The following TENM2 variants were observed in gnomAD, a reference collection of about 807,000 sequenced individuals.
TENM2 encodes teneurin transmembrane protein 2, also known as teneurin-2.
Under a neutral mutation model 245.2 loss-of-function variants are expected in TENM2, and 52 were observed. That is an observed-to-expected ratio of 0.21 (90% CI 0.17 to 0.27). TENM2 has a LOEUF of 0.27. Ranked by LOEUF, TENM2 falls within the 10% of genes least tolerant of loss-of-function variation. The probability of loss-of-function intolerance (pLI) is 1.00; values close to 1 mark genes in which losing one functional copy is unlikely to be tolerated. For synonymous variants in TENM2, 1,363 were observed against 1,438.9 expected (o/e 0.95, Z 1.19); for missense variants, 3,046 against 3,666.8 (o/e 0.83, Z 4.37).
At chr5:167,076,127 C>CA in the TENM2 span, among the ~76,000 whole-genome samples, 14 of 152,014 alleles carry the variant, frequency 9.2e-5, no homozygotes, top group African/African-American at 2.2e-4. Context: ...ACATAACATA[C>CA]AAAAAAATCA....
At chr5:167,908,011 C>T (rs1219821657) in intron 3 of TENM2, among the ~76,000 whole-genome samples, 1 of 151,982 alleles carries the variant, frequency 6.6e-6, no homozygotes, top group Non-Finnish European at 1.5e-5. Flanking sequence ...GCCCATATGC[C>T]TCAGTTTCCT....
chr5:167,829,824 C>T (rs1768307872), intron 2 of TENM2, among the ~76,000 whole-genome samples: 1 of 152,126 alleles, frequency 6.6e-6, no homozygotes, highest in Non-Finnish European at 1.5e-5. Context: ...AGCAGACTTT[C>T]ATTAGCTGGC....
chr5:167,471,090 C>A (rs556146736), intron 2 of TENM2, among the ~76,000 whole-genome samples: 8 of 152,356 alleles, frequency 5.3e-5, no homozygotes, highest in African/African-American at 1.9e-4. Context: ...ATCTGCAAGA[C>A]TGCGGCTTCT....
chr5:167,715,553 T>G (rs920122686), intron 2 of TENM2, among the ~76,000 whole-genome samples: 1 of 152,224 alleles, frequency 6.6e-6, no homozygotes, highest in African/African-American at 2.4e-5. Flanking sequence ...CAAAGATATG[T>G]TCAACAGAAT....
At chr5:167,320,723 C>A (rs1756661567) in intron 1 of TENM2, among the ~76,000 whole-genome samples, 1 of 152,130 alleles carries the variant, frequency 6.6e-6, no homozygotes, top group Non-Finnish European at 1.5e-5. Context: ...AGCAAGAAGG[C>A]CCTCACCAGA....
intron 2 of TENM2, among the ~76,000 whole-genome samples, chr5:167,688,661 C>T (rs891951689): frequency 2.0e-5 from 3 of 152,168 alleles, no homozygotes; most frequent in Non-Finnish European, 2.9e-5. Flanking sequence ...TTTTAAGGAA[C>T]TCAATGACAG....
intron 3 of TENM2, among the ~76,000 whole-genome samples, chr5:167,933,789 G>C (rs1416552905): frequency 6.6e-6 from 1 of 152,126 alleles, no homozygotes; most frequent in East Asian, 1.9e-4. Context: ...CTAAACCTCA[G>C]CCTCCTGATG....
chr5:167,696,893 C>G (rs1469990396), intron 2 of TENM2, among the ~76,000 whole-genome samples: 1 of 152,178 alleles, frequency 6.6e-6, no homozygotes, highest in Non-Finnish European at 1.5e-5. Context: ...AGTGAATCAA[C>G]CAGTTAACAG....
At chr5:167,199,301 A>G in the TENM2 span, among the ~76,000 whole-genome samples, 1 of 152,096 alleles carries the variant, frequency 6.6e-6, no homozygotes, top group South Asian at 2.1e-4. Context: ...AGAGAATAAT[A>G]TGTTTCTGCT....
chr5:167,683,088 A>G (rs1034619664), intron 2 of TENM2, among the ~76,000 whole-genome samples: 2 of 152,184 alleles, frequency 1.3e-5, no homozygotes, highest in Non-Finnish European at 2.9e-5. Context: ...TGTATTGGAC[A>G]TGTCTGTTAC....
the TENM2 span, among the ~76,000 whole-genome samples, chr5:167,208,804 T>C: frequency 6.6e-6 from 1 of 152,236 alleles, no homozygotes; most frequent in Non-Finnish European, 1.5e-5. Flanking sequence ...TTATTCCCAA[T>C]GTCTAAAATG....
chr5:167,801,109 A>AT (rs1554120916), intron 2 of TENM2, among the ~76,000 whole-genome samples: 57 of 66,506 alleles, frequency 8.6e-4, no homozygotes, highest in Admixed American at 1.3e-3. Flanking sequence ...AAAAAAAAAA[A>AT]ATATATATAT....
intron 2 of TENM2, among the ~76,000 whole-genome samples, chr5:167,533,103 C>T (rs1771623224): frequency 6.6e-6 from 1 of 152,056 alleles, no homozygotes; most frequent in South Asian, 2.1e-4. Context: ...GAAAGACCCT[C>T]ACCGTTAGAG....
intron 2 of TENM2, among the ~76,000 whole-genome samples, chr5:167,505,075 G>A (rs1398006805): frequency 1.3e-5 from 2 of 152,104 alleles, no homozygotes; most frequent in Non-Finnish European, 2.9e-5. Context: ...GTTTATTGGC[G>A]GGGATGGATT....
chr5:167,248,125 T>G, the TENM2 span, among the ~76,000 whole-genome samples: 1 of 152,212 alleles, frequency 6.6e-6, no homozygotes, highest in Non-Finnish European at 1.5e-5. Context: ...GTTGTAGATT[T>G]TAAAATAGCA....
At chr5:167,244,872 G>T in the TENM2 span, among the ~76,000 whole-genome samples, 1 of 151,916 alleles carries the variant, frequency 6.6e-6, no homozygotes, top group East Asian at 1.9e-4. Flanking sequence ...GACAGCCTGT[G>T]GTATTTTCAA....
At position 167,299,074 on chromosome 5, in the gene TENM2, A is replaced by G. The variant is rs1483603041; in HGVS notation, c.226+14011A>G. On this transcript the variant is annotated intron_variant, in intron 1 of 28. Transcript: ENST00000518659. The stretch of plus-strand genomic sequence containing the variant: ...TGACTTCTGAGAAGGGAAAGTGGTA[A>G]AAGTATTGTCCAGTCCTTTTTAAGT... 2.0e-5 allele frequency among the ~76,000 whole-genome samples: 3 copies of G among 152,138 alleles called. No homozygotes were observed. The East Asian group carries it at 5.8e-4, about 29-fold the overall frequency.
rs76801055 is a variant in TENM2, at chr5:168,025,643, G to A, written c.1187-21784G>A. Among the ~76,000 whole-genome samples the A allele has an allele frequency of 2.5e-3, 382 of 152,320 alleles. 3 individuals carry two copies. The highest frequency in any genetic ancestry group is 8.9e-3 in the African/African-American group (370 of 41,580). On this transcript the variant is annotated intron_variant, in intron 5 of 28. Transcript: ENST00000518659. ...TTCCATGTTCTCTTGACTACCATAT[G>A]TGCTTGGGTTCCAAAGAGCAAACAC...
At chr5:167,841,218 A>G (rs571612427) in intron 2 of TENM2, among the ~76,000 whole-genome samples, 1 of 151,964 alleles carries the variant, frequency 6.6e-6, no homozygotes, top group African/African-American at 2.4e-5. Flanking sequence ...CACCATGCCC[A>G]GCTAATTTTT....
Sources: allele counts gnomAD v4.1 joint callset (sites outside exome capture counted in the v4.1 genomes callset), GRCh38; gene constraint gnomAD v4.1.1; transcripts MANE v1.5; gene names NCBI Gene and HGNC (gene_info 2026-07-23, HGNC 2026-07-21).